WDR70: variants seen among roughly 807,000 people sequenced by gnomAD.
WDR70 encodes the protein WD repeat-containing protein 70.
Under a neutral mutation model 88.6 loss-of-function variants are expected in WDR70, and 53 were observed. The ratio of observed to expected loss-of-function variants is 0.60; its 90% confidence interval spans 0.48 to 0.75. The LOEUF (loss-of-function observed/expected upper bound fraction) is 0.75. Ranked by LOEUF, WDR70 falls within the 30% of genes least tolerant of loss-of-function variation. The pLI is 0.00. For missense variants in WDR70, 610 were observed against 823.2 expected (o/e 0.74, Z 3.17); for synonymous variants, 280 against 270.0 (o/e 1.04, Z -0.36).
intron 10 of WDR70, among the ~76,000 whole-genome samples, chr5:37,662,140 C>T (rs1745716207): frequency 6.6e-6 from 1 of 152,120 alleles, no homozygotes; most frequent in Admixed American, 6.5e-5. Flanking sequence ...ATAATTTCCT[C>T]GGTTATAATT....
chr5:37,686,036 G>A lies in WDR70; in HGVS notation c.1093-11619G>A, dbSNP rs538320035. Among the ~76,000 whole-genome samples the A allele has an allele frequency of 2.0e-5, 3 of 152,314 alleles. No homozygotes were observed. The East Asian group carries it at 5.8e-4, about 29-fold the overall frequency. ...TCCACCCGGCTGCATGTAGTCAGCTGTCTTGCCCAAATCTCCCCCAACACT... is the reference window on the plus strand; with the variant it reads ...TCCACCCGGCTGCATGTAGTCAGCTATCTTGCCCAAATCTCCCCCAACACT... On this transcript the variant is annotated intron_variant, in intron 10 of 17. Transcript: ENST00000265107.
chr5:37,467,534 ATT>A (rs35972019), intron 7 of WDR70, among the ~76,000 whole-genome samples: 281 of 124,524 alleles, frequency 2.3e-3, no homozygotes, highest in Non-Finnish European at 3.6e-3. Flanking sequence ...TATCATATGA[ATT>A]TTTTTTTTTT....
At chr5:37,581,886 G>C (rs1336566576) in intron 9 of WDR70, among the ~76,000 whole-genome samples, 5 of 152,118 alleles carry the variant, frequency 3.3e-5, no homozygotes, top group Non-Finnish European at 5.9e-5. Context: ...TTGACTGGCT[G>C]CTGAATATTA....
intron 9 of WDR70, among the ~76,000 whole-genome samples, chr5:37,583,932 A>ATATT: frequency 6.6e-6 from 1 of 152,172 alleles, no homozygotes; most frequent in African/African-American, 2.4e-5. Flanking sequence ...TGAACCAACA[A>ATATT]TATTGATAGC....
At chr5:37,425,541 T>C (rs966633626) in intron 5 of WDR70, among the ~76,000 whole-genome samples, 2 of 152,116 alleles carry the variant, frequency 1.3e-5, no homozygotes, top group Admixed American at 1.3e-4. Flanking sequence ...TGAAAAAAGC[T>C]CTTAGGTGAG....
intron 8 of WDR70, among the ~76,000 whole-genome samples, chr5:37,511,572 CTG>C (rs1424416549): frequency 6.6e-6 from 1 of 152,052 alleles, no homozygotes; most frequent in Non-Finnish European, 1.5e-5. Context: ...ACCAGGATCT[CTG>C]TGTTAGTTTT....
rs760917069 is a variant in WDR70 at position 37,705,543 on chromosome 5, A to G, written c.1416+2456A>G. 4.0e-5 allele frequency among the ~76,000 whole-genome samples: 6 copies of G among 151,814 alleles called. No homozygotes were observed. The South Asian group carries it at 1.2e-3, about 32-fold the overall frequency. ...GTTATTGTTAACATCAAACAGCATC[A>G]TTTTTCTGTTTATATATTAGAATGC... On this transcript the variant is annotated intron_variant, in intron 13 of 17. Coordinates refer to ENST00000265107, the MANE Select transcript of WDR70 (RefSeq NM_018034.4).
chr5:37,494,358 C>T (rs1011520390), intron 8 of WDR70, among the ~76,000 whole-genome samples: 2 of 152,090 alleles, frequency 1.3e-5, no homozygotes, highest in African/African-American at 2.4e-5. Flanking sequence ...TTACGGGCTA[C>T]AAAATGTAAA....
intron 5 of WDR70, among the ~76,000 whole-genome samples, chr5:37,437,020 G>A (rs142842991): frequency 1.5e-3 from 234 of 152,198 alleles, no homozygotes; most frequent in African/African-American, 5.2e-3. Flanking sequence ...TCTTATGTCT[G>A]ATTTATGCAT....
At chr5:37,485,589 T>G (rs1739836259) in intron 8 of WDR70, among the ~76,000 whole-genome samples, 1 of 152,220 alleles carries the variant, frequency 6.6e-6, no homozygotes, top group African/African-American at 2.4e-5. Context: ...ATAGATGCAT[T>G]AAATAAACTT....
intron 9 of WDR70, among the ~76,000 whole-genome samples, chr5:37,551,230 G>A (rs186650344): frequency 3.5e-4 from 53 of 151,818 alleles, no homozygotes; most frequent in Non-Finnish European, 5.2e-4. Context: ...ACTTGAACCC[G>A]GGAGGCAGAG....
intron 13 of WDR70, among the ~76,000 whole-genome samples, chr5:37,709,267 G>T (rs1747443430): frequency 6.6e-6 from 1 of 152,214 alleles, no homozygotes; most frequent in African/African-American, 2.4e-5. Context: ...GCAGCTGGTT[G>T]ACTAGGGAAT....
At chr5:37,563,732 G>A (rs1177002706) in intron 9 of WDR70, among the ~76,000 whole-genome samples, 1 of 135,068 alleles carries the variant, frequency 7.4e-6, no homozygotes, top group Non-Finnish European at 1.7e-5. Context: ...TCCCAGACGG[G>A]GTGGCTGCCG....
At chr5:37,697,529 G>T in intron 10 of WDR70, 126 bp from the exon 11 acceptor site, 1 of 667,516 alleles carries the variant, frequency 1.5e-6, no homozygotes, top group Admixed American at 2.9e-5. Context: ...ATAATCATGT[G>T]AAATTAGTAC....
At chr5:37,730,845 T>C (rs1273351031) in intron 17 of WDR70, among the ~76,000 whole-genome samples, 1 of 152,174 alleles carries the variant, frequency 6.6e-6, no homozygotes, top group Non-Finnish European at 1.5e-5. Context: ...ACCAGTCCTC[T>C]ACTCATTATT....
intron 9 of WDR70, among the ~76,000 whole-genome samples, chr5:37,599,141 G>C (rs1253144314): frequency 6.6e-6 from 1 of 152,194 alleles, no homozygotes; most frequent in Non-Finnish European, 1.5e-5. Context: ...TTGCTTGGCA[G>C]AATGAATCTA....
chr5:37,704,132 A>G (rs1208728293), intron 13 of WDR70, among the ~76,000 whole-genome samples: 1 of 152,240 alleles, frequency 6.6e-6, no homozygotes, highest in Non-Finnish European at 1.5e-5. Flanking sequence ...TTAATTCTAG[A>G]TGAGTACTTA....
At chr5:37,380,593 C>T (rs372302487) in intron 2 of WDR70, among the ~76,000 whole-genome samples, 4 of 152,160 alleles carry the variant, frequency 2.6e-5, no homozygotes, top group African/African-American at 7.2e-5. Context: ...CCGCCCGTCT[C>T]GGCCTCCGAA....
intron 9 of WDR70, among the ~76,000 whole-genome samples, chr5:37,531,587 CTTTTTT>C (rs149831770): frequency 0.014 from 1,063 of 77,748 alleles, 5 homozygotes; most frequent in African/African-American, 0.034. Flanking sequence ...TAAAGTTTTT[CTTTTTT>C]TTTTTTTTTT....
Sources: gnomAD v4.1 joint callset for allele counts (sites outside exome capture counted in the v4.1 genomes callset) on GRCh38, gnomAD v4.1.1 for gene constraint, MANE v1.5 for transcripts, NCBI Gene and HGNC (gene_info 2026-07-23, HGNC 2026-07-21) for gene names.